The following JAK2 variants were observed in gnomAD, a reference collection of about 807,000 sequenced individuals.
JAK2 encodes the protein Janus kinase 2.
Under a neutral mutation model 139.3 loss-of-function variants are expected in JAK2, and 86 were observed. The observed-to-expected ratio is 0.62, with a 90% CI of 0.52 to 0.74. The LOEUF is 0.74. Ranked by LOEUF, JAK2 falls within the 30% of genes least tolerant of loss-of-function variation. The pLI, the probability that JAK2 is intolerant of heterozygous loss-of-function variation, is 0.00. For missense variants in JAK2, 1,421 were observed against 1,360.3 expected (o/e 1.04, Z -0.70); for synonymous variants, 490 against 437.7 (o/e 1.12, Z -1.49).
chr9:5,048,237 G>A (rs1817165056), intron 5 of JAK2, among the ~76,000 whole-genome samples: 2 of 151,882 alleles, frequency 1.3e-5, no homozygotes, highest in Non-Finnish European at 2.9e-5. Context: ...TGCCTCCCAG[G>A]TTCAAGTGAT....
chr9:5,099,134 C>A (rs1368522178), intron 22 of JAK2: 1 of 152,232 alleles, frequency 6.6e-6, no homozygotes, highest in East Asian at 1.9e-4. Flanking sequence ...ATCCTGCACT[C>A]ATGAACTATC....
At chr9:5,073,671 A>T (rs780317040) in intron 13 of JAK2, 27 bp from the exon 14 acceptor site, 12 of 1,543,954 alleles carry the variant, frequency 7.8e-6, no homozygotes, top group Non-Finnish European at 1.1e-5. Flanking sequence ...TCAAACAACA[A>T]TTCTTTGTAC....
chr9:5,045,754 CT>C (rs1432226214), intron 5 of JAK2, among the ~76,000 whole-genome samples: 3 of 152,072 alleles, frequency 2.0e-5, no homozygotes, highest in Admixed American at 6.5e-5. Flanking sequence ...AATTTCTTTC[CT>C]TTTTAAGGCT....
At chr9:4,997,799 A>G (rs1196016309) in intron 2 of JAK2, among the ~76,000 whole-genome samples, 1 of 152,242 alleles carries the variant, frequency 6.6e-6, no homozygotes, top group Non-Finnish European at 1.5e-5. Flanking sequence ...GTATAAGTCT[A>G]TCTGATTGAT....
chr9:5,010,549 G>T (rs1484675117), intron 2 of JAK2, among the ~76,000 whole-genome samples: 1 of 152,140 alleles, frequency 6.6e-6, no homozygotes, highest in Non-Finnish European at 1.5e-5. Flanking sequence ...TCGAACTCCT[G>T]ACCTCAGGTG....
At chr9:4,992,837 A>G (rs941620195) in intron 2 of JAK2, among the ~76,000 whole-genome samples, 2 of 152,180 alleles carry the variant, frequency 1.3e-5, no homozygotes, top group Non-Finnish European at 2.9e-5. Context: ...CAATTCTGCA[A>G]CCTCACTGGG....
At chr9:5,009,767 C>G (rs896613521) in intron 2 of JAK2, among the ~76,000 whole-genome samples, 1 of 151,490 alleles carries the variant, frequency 6.6e-6, no homozygotes, top group African/African-American at 2.4e-5. Context: ...TTTTTTTCTT[C>G]AGTTAAAATT....
intron 12 of JAK2, among the ~76,000 whole-genome samples, chr9:5,070,834 C>T (rs1401463563): frequency 6.6e-6 from 1 of 151,978 alleles, no homozygotes; most frequent in East Asian, 1.9e-4. Flanking sequence ...TGATGATCAG[C>T]CACATTTATC....
At chr9:5,088,161 G>A (rs1224280368) in intron 19 of JAK2, among the ~76,000 whole-genome samples, 3 of 151,960 alleles carry the variant, frequency 2.0e-5, no homozygotes, top group African/African-American at 4.8e-5. Context: ...TGAATTGTCC[G>A]CGGTCACAGA....
intron 2 of JAK2, among the ~76,000 whole-genome samples, chr9:5,012,862 T>G (rs578117770): frequency 6.6e-6 from 1 of 152,170 alleles, no homozygotes; most frequent in South Asian, 2.1e-4. Flanking sequence ...AATATGAGGG[T>G]GGCTCCTGTG....
intron 19 of JAK2, chr9:5,086,201 C>T (rs1820098443): frequency 1.0e-5 from 6 of 574,532 alleles, no homozygotes; most frequent in South Asian, 1.0e-4. Flanking sequence ...GCGCCGCCCC[C>T]GCCACCAGCG....
intron 23 of JAK2, among the ~76,000 whole-genome samples, chr9:5,123,803 G>T (rs565763408): frequency 6.6e-6 from 1 of 151,412 alleles, no homozygotes; most frequent in Non-Finnish European, 1.5e-5. Flanking sequence ...CCACACCCTT[G>T]CCAACATCTG....
chr9:5,031,830 G>A (rs1441032562), intron 4 of JAK2, among the ~76,000 whole-genome samples: 1 of 152,210 alleles, frequency 6.6e-6, no homozygotes, highest in East Asian at 1.9e-4. Flanking sequence ...CCCAGCATGG[G>A]CGATGCAGAA....
intron 3 of JAK2, among the ~76,000 whole-genome samples, chr9:5,023,201 C>G (rs752714277): frequency 1.3e-5 from 2 of 152,226 alleles, no homozygotes; most frequent in East Asian, 1.9e-4. Context: ...TACCAATCCA[C>G]TCTACCTTCA....
intron 8 of JAK2, among the ~76,000 whole-genome samples, chr9:5,059,381 G>A (rs1817998305): frequency 6.6e-6 from 1 of 152,082 alleles, no homozygotes; most frequent in Non-Finnish European, 1.5e-5. Flanking sequence ...CATTTATGTT[G>A]TTACATGTGT....
At chr9:5,122,982 A>C (rs2130852964) in intron 22 of JAK2, 22 bp from the exon 23 acceptor site, 6 of 1,476,800 alleles carry the variant, frequency 4.1e-6, no homozygotes, top group Non-Finnish European at 5.6e-6. Context: ...CTGTCTTTTA[A>C]ATGTTATTCA....
intron 2 of JAK2, among the ~76,000 whole-genome samples, chr9:5,006,153 A>G (rs1041476848): frequency 6.6e-6 from 1 of 151,942 alleles, no homozygotes; most frequent in African/African-American, 2.4e-5. Flanking sequence ...ATTTGTTTGT[A>G]TCCTCTTTTA....
At chr9:5,061,529 T>G (rs1174630821) in intron 8 of JAK2, among the ~76,000 whole-genome samples, 1 of 152,226 alleles carries the variant, frequency 6.6e-6, no homozygotes, top group African/African-American at 2.4e-5. Context: ...AGCTTCCAAC[T>G]TTTCTTCTGC....
intron 4 of JAK2, chr9:5,041,332 C>A: frequency 1.4e-6 from 1 of 704,444 alleles, no homozygotes; most frequent in Non-Finnish European, 2.5e-6. Flanking sequence ...AGCACAAGAG[C>A]TTGACAGGTA....
Sources: gnomAD v4.1 joint callset for allele counts (sites outside exome capture counted in the v4.1 genomes callset) on GRCh38, gnomAD v4.1.1 for gene constraint, MANE v1.5 for transcripts, NCBI Gene and HGNC (gene_info 2026-07-23, HGNC 2026-07-21) for gene names.